Variants in EBF2 observed in about 807,000 individuals in gnomAD.
EBF2 encodes the protein transcription factor COE2.
EBF2 carries 21 observed loss-of-function variants against 72.8 expected under a neutral mutation model. The observed-to-expected ratio is 0.29, with a 90% CI of 0.20 to 0.42. The LOEUF (loss-of-function observed/expected upper bound fraction) is 0.42. EBF2 is among the 10% of genes least tolerant of loss of function. EBF2 has a pLI of 1.00. For synonymous variants in EBF2, 299 were observed against 274.2 expected, an observed-to-expected ratio of 1.09 and a Z score of -0.89; for missense variants, 637 against 731.2, an observed-to-expected ratio of 0.87 and a Z score of 1.49.
rs1801758129 is a variant in EBF2 at position 25,842,410 on chromosome 8, T to G, written c.*2199A>C. The G allele has an allele frequency of 6.6e-6, 1 of 152,196 alleles. No individual in the cohort carries two copies. 9.4% of individuals were successfully genotyped at this position (152,196 alleles called of 1,614,324 possible). ...GAAGACAGTACTGCACTCATCTTCA[T>G]GCAAAAGGAAAATTCACAGGTTCTA... On this transcript the variant is annotated 3_prime_UTR_variant, in exon 16 of 16. Coordinates refer to ENST00000520164, the MANE Select transcript of EBF2 (RefSeq NM_022659.4).
intron 15 of EBF2, among the ~76,000 whole-genome samples, chr8:25,849,972 T>G (rs550761556): frequency 6.6e-6 from 1 of 152,232 alleles, no homozygotes; most frequent in East Asian, 1.9e-4. Context: ...TGACTGGGCA[T>G]TTTCTGAGAG....
chr8:25,847,625 G>A lies in EBF2; in HGVS notation c.1696+2969C>T, dbSNP rs531964913. On this transcript the variant is annotated intron_variant, in intron 15 of 15. Coordinates refer to ENST00000520164, the MANE Select transcript of EBF2 (RefSeq NM_022659.4). ...ACAACCACCTTTGGGGATAGCTGTC[G>A]ATTTTCTATTTAACAGACTAGGAAA... Among the ~76,000 whole-genome samples the A allele has an allele frequency of 4.1e-4, 63 of 152,192 alleles. No individual in the cohort carries two copies. The South Asian group carries it at 4.2e-3, about 10-fold the overall frequency.
chr8:25,887,678 C>T (rs895555460), intron 9 of EBF2, among the ~76,000 whole-genome samples, 164 bp downstream of exon 9: 1 of 152,132 alleles, frequency 6.6e-6, no homozygotes, highest in African/African-American at 2.4e-5. Context: ...TAAGTTTTCA[C>T]CATTTTAAAT....
At chr8:25,883,737 T>C (rs909401101) in intron 10 of EBF2, among the ~76,000 whole-genome samples, 13 of 152,126 alleles carry the variant, frequency 8.5e-5, no homozygotes, top group Admixed American at 6.5e-4. Context: ...TTGGCTGCAA[T>C]GTGTTTGTTA....
At chr8:25,920,157 G>T (rs1031527325) in intron 6 of EBF2, among the ~76,000 whole-genome samples, 1 of 152,102 alleles carries the variant, frequency 6.6e-6, no homozygotes, top group Non-Finnish European at 1.5e-5. Flanking sequence ...AATACACAAA[G>T]GGTCATGGAA....
intron 14 of EBF2, among the ~76,000 whole-genome samples, chr8:25,853,298 T>TG (rs1337691093): frequency 1.3e-5 from 2 of 152,220 alleles, no homozygotes; most frequent in Admixed American, 1.3e-4. Context: ...AATACTTATT[T>TG]AGATATGTTC....
chr8:25,934,245 A>G (rs1803535675), intron 6 of EBF2, among the ~76,000 whole-genome samples: 1 of 149,946 alleles, frequency 6.7e-6, no homozygotes, highest in Non-Finnish European at 1.5e-5. Context: ...ACACACACAC[A>G]CACACACACA....
intron 15 of EBF2, among the ~76,000 whole-genome samples, chr8:25,847,190 A>C (rs1801857775): frequency 6.6e-6 from 1 of 152,202 alleles, no homozygotes. Context: ...CAGGATAGTT[A>C]GCAAGCCTCA....
chr8:25,906,391 T>C (rs886363672), intron 7 of EBF2, among the ~76,000 whole-genome samples: 3 of 152,206 alleles, frequency 2.0e-5, no homozygotes, highest in Non-Finnish European at 2.9e-5. Context: ...ATTTGGAATA[T>C]TGAGCACAGT....
chr8:25,978,719 T>C (rs748253833), intron 6 of EBF2, among the ~76,000 whole-genome samples: 2 of 152,130 alleles, frequency 1.3e-5, no homozygotes, highest in Non-Finnish European at 1.5e-5. Flanking sequence ...CAAGGAAACA[T>C]AACCAAGGCG....
intron 6 of EBF2, among the ~76,000 whole-genome samples, chr8:25,936,228 T>C (rs978792329): frequency 2.1e-4 from 32 of 152,250 alleles, no homozygotes; most frequent in African/African-American, 7.2e-4. Flanking sequence ...TGCTCCTCAC[T>C]GCTGTATTGC....
rs1246458057 is a variant in EBF2 at position 25,861,085 on chromosome 8, C to A, written c.1306G>T (p.Val436Phe). ...CCTTGTGTTGACTCTGAGATGCTGA[C>A]CCCAAGCTGGCTGCCATAGGAGTTG... ...GINSYGSQLG[V>F]SISESTQGNN... is the part of the protein sequence containing the mutation. The change falls in exon 13 of 16, where the codon GTC (valine) becomes TTC (phenylalanine). Residue 436 changes from valine (V) to phenylalanine (F), a missense_variant. Val to Phe is a conservative substitution (Grantham distance 50). Around this residue, in one of 3 missense-constraint regions of EBF2, gnomAD observed 259 missense variants for 268.1 expected, o/e 0.97. Transcript: ENST00000520164. The A allele has an allele frequency of 1.9e-6, 3 of 1,614,012 alleles. No individual in the cohort carries two copies. The highest frequency in any genetic ancestry group is 1.7e-6 in the Non-Finnish European group (2 of 1,180,022).
intron 6 of EBF2, among the ~76,000 whole-genome samples, chr8:26,029,688 A>T (rs185751294): frequency 6.6e-5 from 10 of 152,140 alleles, no homozygotes; most frequent in Admixed American, 4.6e-4. Flanking sequence ...GAGAAGGGGG[A>T]GGAGATAATT....
In EBF2 at chr8:25,917,640, C is replaced by A. The variant is rs561934593; in HGVS notation, c.552-9085G>T. ...GAGACTTCAGAATCAGAATACAAAT[C>A]TATTTCCCTTGCCAGTACCATGACT... is the stretch of plus-strand genomic sequence containing the variant. On this transcript the variant is annotated intron_variant, in intron 6 of 15. Transcript: ENST00000520164. Among the ~76,000 whole-genome samples the A allele has an allele frequency of 2.6e-5, 4 of 152,308 alleles. No individual in the cohort carries two copies. In the South Asian group the frequency reaches 8.3e-4, roughly 32 times the overall value.
chr8:25,848,894 T>G (rs1161456642), intron 15 of EBF2, among the ~76,000 whole-genome samples: 2 of 152,076 alleles, frequency 1.3e-5, no homozygotes, highest in Admixed American at 6.5e-5. Flanking sequence ...AGAGGAAACA[T>G]CAACACTGAA....
At chr8:25,973,516 C>A (rs1303807497) in intron 6 of EBF2, among the ~76,000 whole-genome samples, 1 of 152,130 alleles carries the variant, frequency 6.6e-6, no homozygotes, top group Non-Finnish European at 1.5e-5. Flanking sequence ...TGTGCAAAAC[C>A]AGCGATGAAG....
chr8:25,955,217 G>A (rs1027633189), intron 6 of EBF2, among the ~76,000 whole-genome samples: 2 of 152,212 alleles, frequency 1.3e-5, no homozygotes, highest in Non-Finnish European at 2.9e-5. Flanking sequence ...TCCCTCCAAA[G>A]GTGCTGGGAG....
intron 6 of EBF2, among the ~76,000 whole-genome samples, chr8:25,977,267 G>C (rs1277053006): frequency 6.6e-6 from 1 of 152,158 alleles, no homozygotes; most frequent in East Asian, 1.9e-4. Context: ...CATGCTCCCA[G>C]CGGGTCAGGT....
At chr8:25,917,839 C>T (rs954006905) in intron 6 of EBF2, among the ~76,000 whole-genome samples, 16 of 152,118 alleles carry the variant, frequency 1.1e-4, no homozygotes, top group African/African-American at 3.9e-4. Flanking sequence ...ACACCCAGAG[C>T]CCTTTGCTGC....
Sources: allele counts gnomAD v4.1 joint callset (sites outside exome capture counted in the v4.1 genomes callset), GRCh38; gene constraint gnomAD v4.1.1; regional missense constraint gnomAD v4.1.1; transcripts MANE v1.5; gene names NCBI Gene and HGNC (gene_info 2026-07-23, HGNC 2026-07-21).